Variants in IQCM observed in about 807,000 individuals in gnomAD.
IQCM encodes IQ motif containing M, also known as IQ domain-containing protein M.
Under a neutral mutation model 57.6 loss-of-function variants are expected in IQCM, and 45 were observed. The ratio of observed to expected loss-of-function variants is 0.78; its 90% CI spans 0.62 to 1.00. The LOEUF is 1.00. Among genes scored for constraint, IQCM ranks in the 50% least tolerant of loss-of-function variants. The probability of loss-of-function intolerance (pLI) is 0.00; values close to 1 mark genes in which losing one functional copy is unlikely to be tolerated. For missense variants in IQCM, 468 were observed against 511.6 expected (o/e 0.91, Z 0.82); for synonymous variants, 148 against 158.9 (o/e 0.93, Z 0.51).
chr4:149,678,360 A>G (rs1013616209), intron 7 of IQCM, among the ~76,000 whole-genome samples: 1 of 151,930 alleles, frequency 6.6e-6, no homozygotes. Flanking sequence ...ACATGCCAGG[A>G]GAAAATAGAA....
intron 13 of IQCM, among the ~76,000 whole-genome samples, chr4:149,415,446 T>A (rs1388577892): frequency 6.6e-6 from 1 of 152,158 alleles, no homozygotes; most frequent in Non-Finnish European, 1.5e-5. Context: ...CAGTGGTAAG[T>A]GTGTTTTATA....
chr4:149,626,817 T>G (rs949100921), intron 7 of IQCM, among the ~76,000 whole-genome samples: 2 of 152,006 alleles, frequency 1.3e-5, no homozygotes, highest in Non-Finnish European at 2.9e-5. Flanking sequence ...AAAATTTAAT[T>G]AGGATAATGG....
chr4:149,587,003 T>C (rs1052179030), intron 9 of IQCM, among the ~76,000 whole-genome samples: 1 of 151,718 alleles, frequency 6.6e-6, no homozygotes, highest in Non-Finnish European at 1.5e-5. Context: ...AGTCAGCCCA[T>C]AATTTTAGAA....
intron 2 of IQCM, among the ~76,000 whole-genome samples, chr4:149,791,725 A>C (rs1772636087): frequency 6.6e-6 from 1 of 152,198 alleles, no homozygotes; most frequent in African/African-American, 2.4e-5. Context: ...ACCATACTTC[A>C]TATAATGTCC....
chr4:149,400,856 A>C (rs1392613838), intron 13 of IQCM, among the ~76,000 whole-genome samples: 1 of 151,908 alleles, frequency 6.6e-6, no homozygotes, highest in Non-Finnish European at 1.5e-5. Context: ...GTTTATCCAC[A>C]AATCTCATGT....
chr4:149,632,887 C>A (rs1050804886), intron 7 of IQCM, among the ~76,000 whole-genome samples: 5 of 152,034 alleles, frequency 3.3e-5, no homozygotes, highest in African/African-American at 4.8e-5. Context: ...ATCGGCCGGG[C>A]GCGGTGGCTC....
chr4:149,612,263 C>A (rs1561058426), intron 8 of IQCM, among the ~76,000 whole-genome samples: 1 of 152,042 alleles, frequency 6.6e-6, no homozygotes, highest in Non-Finnish European at 1.5e-5. Context: ...GGGTGAGGAC[C>A]CAGAGCCAAA....
intron 2 of IQCM, among the ~76,000 whole-genome samples, chr4:149,785,528 A>AGGGGG (rs1772001626): frequency 1.3e-5 from 2 of 152,184 alleles, no homozygotes; most frequent in Non-Finnish European, 2.9e-5. Flanking sequence ...AAAATAATAT[A>AGGGGG]ACCAACAAAA....
chr4:149,618,755 C>G (rs1311961158), intron 8 of IQCM, among the ~76,000 whole-genome samples: 1 of 151,990 alleles, frequency 6.6e-6, no homozygotes, highest in African/African-American at 2.4e-5. Context: ...CACTAATCGC[C>G]AAAGAAATGC....
intron 7 of IQCM, among the ~76,000 whole-genome samples, chr4:149,659,006 A>G (rs1345921316): frequency 6.6e-6 from 1 of 151,898 alleles, no homozygotes; most frequent in African/African-American, 2.4e-5. Flanking sequence ...GACTTCTAGT[A>G]TTATGTTAAA....
intron 12 of IQCM, among the ~76,000 whole-genome samples, chr4:149,535,296 T>C (rs1464611347): frequency 2.0e-5 from 3 of 152,082 alleles, no homozygotes; most frequent in South Asian, 4.1e-4. Context: ...TTGCATATTT[T>C]AACAGCTTGT....
intron 10 of IQCM, among the ~76,000 whole-genome samples, chr4:149,555,520 A>G (rs1749495526): frequency 6.6e-6 from 1 of 152,234 alleles, no homozygotes; most frequent in African/African-American, 2.4e-5. Flanking sequence ...GCATTTGTAA[A>G]GTCAGGAACA....
rs931655658 is a variant in IQCM, at chr4:149,735,651, C to A, written c.38-193G>T. Among the ~76,000 whole-genome samples, 3 of 152,046 alleles carry A rather than the reference C, an allele frequency of 2.0e-5. No individual in the cohort carries two copies. In the South Asian group the frequency reaches 6.2e-4, roughly 31 times the overall value. ...CTAAGTTACTTCAGTCCAGAAAAAA[C>A]AAAGAAAATATACAAAACAGAAACA... On this transcript the variant is annotated intron_variant, in intron 3 of 13. Coordinates refer to ENST00000636793, the MANE Select transcript of IQCM (RefSeq NM_001363507.2).
intron 4 of IQCM, among the ~76,000 whole-genome samples, chr4:149,734,003 C>T (rs1481569261): frequency 6.6e-6 from 1 of 152,040 alleles, no homozygotes; most frequent in African/African-American, 2.4e-5. Flanking sequence ...ACTGGTAATA[C>T]AACATACATT....
chr4:149,615,338 C>G (rs1265767435), intron 8 of IQCM, among the ~76,000 whole-genome samples: 1 of 152,082 alleles, frequency 6.6e-6, no homozygotes, highest in African/African-American at 2.4e-5. Context: ...GTCTCACTCA[C>G]CTTAGATAAA....
chr4:149,716,824 A>C (rs1765043269), intron 5 of IQCM, among the ~76,000 whole-genome samples: 1 of 152,188 alleles, frequency 6.6e-6, no homozygotes, highest in Non-Finnish European at 1.5e-5. Flanking sequence ...AATTCATCAG[A>C]AAATCCTTTA....
At chr4:149,492,882 A>G (rs1233997390) in intron 12 of IQCM, among the ~76,000 whole-genome samples, 2 of 152,154 alleles carry the variant, frequency 1.3e-5, no homozygotes, top group African/African-American at 4.8e-5. Context: ...AGAAGTCCCC[A>G]AACTCAGAAT....
intron 12 of IQCM, among the ~76,000 whole-genome samples, chr4:149,542,944 T>G (rs1748002953): frequency 6.6e-6 from 1 of 152,038 alleles, no homozygotes; most frequent in Non-Finnish European, 1.5e-5. Context: ...TAGAAAGTGG[T>G]AGAGCAGGGA....
chr4:149,647,240 T>A (rs1758724846), intron 7 of IQCM, among the ~76,000 whole-genome samples: 2 of 152,196 alleles, frequency 1.3e-5, no homozygotes, highest in Non-Finnish European at 2.9e-5. Context: ...AACTTATATG[T>A]TAATGCATAG....
Sources: allele counts gnomAD v4.1 joint callset (sites outside exome capture counted in the v4.1 genomes callset), GRCh38; gene constraint gnomAD v4.1.1; transcripts MANE v1.5; gene names NCBI Gene and HGNC (gene_info 2026-07-23, HGNC 2026-07-21).